Variants in IGSF11 observed in about 807,000 individuals in gnomAD.
IGSF11 encodes CXADR like 1.
In IGSF11, 22 loss-of-function variants were observed where a neutral mutation model predicts 41.0. The observed-to-expected ratio is 0.54, with a 90% CI of 0.38 to 0.77. The LOEUF is 0.77. IGSF11 is among the 30% of genes least tolerant of loss of function. The pLI is 0.00. For missense variants in IGSF11, 444 were observed against 530.8 expected, an observed-to-expected ratio of 0.84 and a Z score of 1.61; for synonymous variants, 219 against 201.3, an observed-to-expected ratio of 1.09 and a Z score of -0.74.
chr3:119,017,039 C>CAAAAAAAAAAAAAAA, intron 1 of IGSF11, among the ~76,000 whole-genome samples: 1 of 88,320 alleles, frequency 1.1e-5, no homozygotes, highest in Non-Finnish European at 2.5e-5. Flanking sequence ...GGACGCAGGA[C>CAAAAAAAAAAAAAAA]AAAAAAAAAA....
At chr3:119,034,499 C>A (rs1375985100) in intron 1 of IGSF11, 32 bp downstream of exon 1, 1 of 1,534,376 alleles carries the variant, frequency 6.5e-7, no homozygotes, top group East Asian at 2.6e-5. Context: ...CCGGCCTGGC[C>A]CCACCGGGAA....
At chr3:118,903,050 CT>C in intron 6 of IGSF11, 89 bp from the exon 7 acceptor site, 2 of 1,253,838 alleles carry the variant, frequency 1.6e-6, no homozygotes, top group Non-Finnish European at 2.2e-6. Flanking sequence ...CATGTCAGGG[CT>C]TATACATCCA....
chr3:118,996,783 T>C (rs1936312302), intron 1 of IGSF11, among the ~76,000 whole-genome samples: 1 of 152,050 alleles, frequency 6.6e-6, no homozygotes, highest in African/African-American at 2.4e-5. Context: ...GTATTTTTAG[T>C]AGAGACGGGG....
At chr3:119,028,028 C>G (rs890472006) in intron 1 of IGSF11, among the ~76,000 whole-genome samples, 1 of 152,066 alleles carries the variant, frequency 6.6e-6, no homozygotes, top group African/African-American at 2.4e-5. Context: ...TGGGAGCTAA[C>G]AGAAGTTGTA....
chr3:119,040,546 TA>T (rs1285770213), intron 1 of IGSF11, among the ~76,000 whole-genome samples: 1 of 152,228 alleles, frequency 6.6e-6, no homozygotes, highest in East Asian at 1.9e-4. Flanking sequence ...ATAAAAAATT[TA>T]AAAGACATTT....
At chr3:118,951,156 A>T (rs1944544381) in intron 1 of IGSF11, among the ~76,000 whole-genome samples, 1 of 152,194 alleles carries the variant, frequency 6.6e-6, no homozygotes, top group Admixed American at 6.5e-5. Context: ...GAGGAACTGA[A>T]TTTTAATTTA....
chr3:119,115,755 A>G (rs952400547), intron 1 of IGSF11, among the ~76,000 whole-genome samples: 2 of 152,162 alleles, frequency 1.3e-5, no homozygotes, highest in African/African-American at 4.8e-5. Flanking sequence ...ATTTAATATA[A>G]TCCCATATGT....
intron 1 of IGSF11, among the ~76,000 whole-genome samples, chr3:118,963,100 T>G (rs1050280482): frequency 6.6e-6 from 1 of 152,170 alleles, no homozygotes; most frequent in African/African-American, 2.4e-5. Flanking sequence ...TCTGGTGAAC[T>G]ATAGAATGTG....
intron 1 of IGSF11, among the ~76,000 whole-genome samples, chr3:119,095,589 A>T (rs144923269): frequency 0.012 from 1,896 of 152,306 alleles, 21 homozygotes; most frequent in Middle Eastern, 0.061. Flanking sequence ...AGATTCCTAG[A>T]TAGGGACCAA....
At chr3:118,905,824 T>A in intron 4 of IGSF11, 106 bp from the exon 5 acceptor site, 1 of 1,299,464 alleles carries the variant, frequency 7.7e-7, no homozygotes, top group Non-Finnish European at 1.1e-6. Flanking sequence ...GAGCTATCAA[T>A]AAATTTCTTT....
At chr3:118,936,005 A>G (rs1427236713) in intron 1 of IGSF11, among the ~76,000 whole-genome samples, 1 of 152,168 alleles carries the variant, frequency 6.6e-6, no homozygotes, top group South Asian at 2.1e-4. Flanking sequence ...TAGTATATTG[A>G]TAGAACTATG....
At chr3:118,971,452 A>G (rs1257467551) in intron 1 of IGSF11, among the ~76,000 whole-genome samples, 1 of 152,170 alleles carries the variant, frequency 6.6e-6, no homozygotes, top group Non-Finnish European at 1.5e-5. Context: ...CCTTATTTCA[A>G]TAACATTAAT....
intron 1 of IGSF11, among the ~76,000 whole-genome samples, chr3:119,045,880 G>A (rs1471297388): frequency 1.3e-5 from 2 of 152,012 alleles, no homozygotes; most frequent in African/African-American, 4.8e-5. Context: ...CCCAGCAGGG[G>A]CACAGTGACA....
intron 1 of IGSF11, among the ~76,000 whole-genome samples, chr3:118,989,757 T>C (rs990015344): frequency 6.6e-6 from 1 of 152,206 alleles, no homozygotes; most frequent in African/African-American, 2.4e-5. Context: ...GTATTTCATT[T>C]TTATTACATT....
chr3:118,934,120 CG>C (rs1943069219), intron 1 of IGSF11, among the ~76,000 whole-genome samples: 1 of 152,186 alleles, frequency 6.6e-6, no homozygotes. Flanking sequence ...TGATACTTCA[CG>C]TTAATCTTTT....
chr3:119,066,333 T>A (rs1299407855), intron 1 of IGSF11, among the ~76,000 whole-genome samples: 1 of 152,254 alleles, frequency 6.6e-6, no homozygotes, highest in African/African-American at 2.4e-5. Context: ...AGTTTCATGA[T>A]AATATGCCTA....
At chr3:118,967,207 A>G (rs1576505234) in intron 1 of IGSF11, among the ~76,000 whole-genome samples, 1 of 152,112 alleles carries the variant, frequency 6.6e-6, no homozygotes. Context: ...ATATATGTAC[A>G]TATGTATGGA....
At chr3:119,048,181 A>T (rs528900190) in intron 1 of IGSF11, among the ~76,000 whole-genome samples, 1 of 152,326 alleles carries the variant, frequency 6.6e-6, no homozygotes, top group South Asian at 2.1e-4. Context: ...GACACACAAA[A>T]CGCTTCAAAA....
intron 1 of IGSF11, chr3:118,947,873 C>G (rs1387837110): frequency 1.3e-5 from 2 of 152,204 alleles, no homozygotes; most frequent in African/African-American, 4.8e-5. Context: ...TTGGCTTCTT[C>G]TGCTCCAACT....
Sources: gnomAD v4.1 joint callset for allele counts (sites outside exome capture counted in the v4.1 genomes callset) on GRCh38, gnomAD v4.1.1 for gene constraint, MANE v1.5 for transcripts, NCBI Gene and HGNC (gene_info 2026-07-23, HGNC 2026-07-21) for gene names.